The following CPLANE1 variants were observed in gnomAD, a reference collection of about 807,000 sequenced individuals.
CPLANE1 encodes ciliogenesis and planar polarity effector complex subunit 1.
Under a neutral mutation model 362.5 loss-of-function variants are expected in CPLANE1, and 263 were observed. That is an observed-to-expected ratio of 0.73 (90% CI 0.66 to 0.80). The LOEUF is 0.80. CPLANE1 is among the 30% of genes least tolerant of loss of function. CPLANE1 has a pLI of 0.00. For missense variants in CPLANE1, 3,461 were observed against 3,793.4 expected (o/e 0.91, Z 2.30); for synonymous variants, 1,212 against 1,302.6 (o/e 0.93, Z 1.50).
rs543654723 is a variant in CPLANE1, at chr5:37,163,756, T to C, written c.7588+517A>G. ...TGCAAGCCCTTAGATAGCTTCAGCATAGGCCCTAGTCACCAGAGGAACCAA... is the reference window on the plus strand; with the variant it reads ...TGCAAGCCCTTAGATAGCTTCAGCACAGGCCCTAGTCACCAGAGGAACCAA... On this transcript the variant is annotated intron_variant, in intron 37 of 52. Transcript: ENST00000651892. Among the ~76,000 whole-genome samples the C allele has an allele frequency of 6.6e-5, 10 of 152,270 alleles. No homozygotes were observed. In the South Asian group the frequency reaches 1.7e-3, roughly 25 times the overall value.
intron 48 of CPLANE1, among the ~76,000 whole-genome samples, chr5:37,122,091 T>G (rs1762824455): frequency 6.6e-6 from 1 of 152,172 alleles, no homozygotes; most frequent in Non-Finnish European, 1.5e-5. Flanking sequence ...AACATCCTTC[T>G]ATTCATCAGA....
rs1561458987 is a variant in CPLANE1, at chr5:37,164,272, C to T, written c.7588+1G>A. 1 of 1,609,638 alleles carries T rather than the reference C, an allele frequency of 6.2e-7. No homozygotes were observed. The highest frequency in any genetic ancestry group is 2.2e-5 in the East Asian group (1 of 44,828). On this transcript the variant is annotated splice_donor_variant, in intron 37 of 52. Coordinates refer to ENST00000651892, the MANE Select transcript of CPLANE1 (RefSeq NM_001384732.1). LOFTEE classifies it high-confidence loss of function. Reference sequence around the variant, plus strand: ...ATTACATTAATCATACACATACATACCAAAAGGAACGTCGAAGTCATCCAA... The same window carrying T: ...ATTACATTAATCATACACATACATATCAAAAGGAACGTCGAAGTCATCCAA...
chr5:37,226,840 T>C lies in CPLANE1; in HGVS notation c.1755A>G (p.Ser585=), dbSNP rs186970259. 1.2e-3 allele frequency: 1,812 copies of C among 1,550,844 alleles called. 1 individual carries two copies. Among genetic ancestry groups the C allele is most frequent in the Admixed American group, 2.1e-3 (108 of 50,868 alleles). Reference sequence around the variant, plus strand: ...TTAAATTTTTTTCTGTCACAGTTTTTGAAATTCCTATAGTCCACGCTGCAA... The same window carrying C: ...TTAAATTTTTTTCTGTCACAGTTTTCGAAATTCCTATAGTCCACGCTGCAA... ...SLLAAWTIGI[S]KTVTEKNLML... is the part of the protein sequence containing the mutation. Residue 585 remains serine (S), a synonymous_variant, in exon 12 of 53, where the codon TCA becomes TCG. Coordinates refer to ENST00000651892, the MANE Select transcript of CPLANE1 (RefSeq NM_001384732.1).
chr5:37,180,752 A>C (rs2151110015), intron 27 of CPLANE1, 105 bp downstream of exon 27: 1 of 1,064,622 alleles, frequency 9.4e-7, no homozygotes, highest in Non-Finnish European at 1.4e-6. Context: ...TACTTCAAAA[A>C]ATGCTCATTC....
chr5:37,164,385 G>GA (rs985112383), intron 36 of CPLANE1, 58 bp from the exon 37 acceptor site: 1,044 of 1,328,956 alleles, frequency 7.9e-4, no homozygotes, highest in Middle Eastern at 1.2e-3. Context: ...TATTATTTTT[G>GA]AAAAAAAAAT....
chr5:37,211,408 T>C (rs1241337280), intron 16 of CPLANE1: 2 of 1,516,164 alleles, frequency 1.3e-6, no homozygotes, highest in Non-Finnish European at 1.8e-6. Context: ...TTCAAAAACA[T>C]TACTTCCAGT....
At chr5:37,200,532 AC>A (rs1788846052) in intron 19 of CPLANE1, among the ~76,000 whole-genome samples, 1 of 152,348 alleles carries the variant, frequency 6.6e-6, no homozygotes, top group African/African-American at 2.4e-5. Context: ...ACCAAATAGG[AC>A]AAATGAGAAA....
At chr5:37,177,790 A>C in intron 29 of CPLANE1, 90 bp from the exon 30 acceptor site, 1 of 928,828 alleles carries the variant, frequency 1.1e-6, no homozygotes, top group Admixed American at 2.0e-5. Context: ...TTAGCCACTT[A>C]ACCAGAGTAA....
At chr5:37,130,974 C>T (rs1243394280) in intron 46 of CPLANE1, among the ~76,000 whole-genome samples, 1 of 152,188 alleles carries the variant, frequency 6.6e-6, no homozygotes, top group Non-Finnish European at 1.5e-5. Flanking sequence ...TCCTTGCTTG[C>T]ATCTTTCACG....
chr5:37,165,754 G>T, intron 35 of CPLANE1, 83 bp from the exon 36 acceptor site: 1 of 1,273,952 alleles, frequency 7.8e-7, no homozygotes, highest in Non-Finnish European at 1.1e-6. Context: ...TAGGGATACA[G>T]TTGACAAAAT....
At chr5:37,139,423 T>C (rs1768969166) in intron 44 of CPLANE1, 53 bp from the exon 45 acceptor site, 2 of 1,128,232 alleles carry the variant, frequency 1.8e-6, no homozygotes, top group Non-Finnish European at 2.4e-6. Context: ...TTGCTTTCAA[T>C]TGTTAATCTA....
At chr5:37,082,427 A>T in the CPLANE1 span, among the ~76,000 whole-genome samples, 1 of 152,196 alleles carries the variant, frequency 6.6e-6, no homozygotes, top group Non-Finnish European at 1.5e-5. Flanking sequence ...ACCCGATCCC[A>T]AGATCCATTA....
rs557782033 is a variant in CPLANE1 at position 37,206,162 on chromosome 5, C to A, written c.3149+35G>T. On this transcript the variant is annotated intron_variant, in intron 17 of 52. Coordinates refer to ENST00000651892, the MANE Select transcript of CPLANE1 (RefSeq NM_001384732.1). The stretch of plus-strand genomic sequence containing the variant: ...AGAAATATAAAATACATAGTTCAAT[C>A]ATACTATATCTTAAAATTGCCTAAA... 1.5e-5 allele frequency: 19 copies of A among 1,289,604 alleles called. No homozygotes were observed. In the South Asian group the frequency reaches 1.9e-4, roughly 13 times the overall value. The allele number at this position is 1,289,604 out of a possible 1,614,324, so 79.9% of individuals were successfully genotyped here. A position where few individuals can be genotyped will look rare whatever the true frequency, so the allele number is the denominator to read the frequency against.
chr5:37,190,101 TAC>T (rs903866318), intron 21 of CPLANE1, among the ~76,000 whole-genome samples: 2 of 152,176 alleles, frequency 1.3e-5, no homozygotes, highest in Non-Finnish European at 2.9e-5. Context: ...GTGCATGTAT[TAC>T]CTTGCTATAA....
At chr5:37,138,617 T>C in intron 46 of CPLANE1, 103 bp downstream of exon 46, 1 of 1,263,572 alleles carries the variant, frequency 7.9e-7, no homozygotes, top group Non-Finnish European at 1.1e-6. Context: ...ATTCTAAGCT[T>C]CAGATTTGTT....
In CPLANE1 at chr5:37,210,364, A is replaced by G. The variant is rs1236454132; in HGVS notation, c.2920+3195T>C. 3.6e-6 allele frequency: 4 copies of G among 1,120,014 alleles called. No individual in the cohort carries two copies. In the African/African-American group the frequency reaches 6.1e-5, roughly 17 times the overall value. 69.4% of individuals were successfully genotyped at this position (1,120,014 alleles called of 1,614,324 possible). A position where few individuals can be genotyped will look rare whatever the true frequency, so the allele number is the denominator to read the frequency against. ...GAGGCACTTAGGAGACGGGAGCAGA[A>G]TATAAAGAGTTTTGAGAAGACCTAT... On this transcript the variant is annotated intron_variant, in intron 16 of 52. Transcript: ENST00000651892.
rs1225604508 is a variant in CPLANE1 at position 37,179,372 on chromosome 5, G to A, written c.5809C>T (p.Gln1937Ter). The A allele has an allele frequency of 2.5e-6, 4 of 1,604,376 alleles. No homozygotes were observed. The highest frequency in any genetic ancestry group is 3.4e-6 in the Non-Finnish European group (4 of 1,172,680). ...ATTTATTGACTTACTTCTTCTAACT[G>A]CTGTGGTAAAGTCATCATGCAAATG... ...LAICMMTLPQ[Q>*]LEEEFTEEVQ... Residue 1937 changes from glutamine to a stop codon, truncating the protein, a stop_gained, in exon 29 of 53, where the codon CAG becomes TAG. Coordinates refer to ENST00000651892, the MANE Select transcript of CPLANE1 (RefSeq NM_001384732.1). LOFTEE classifies it high-confidence loss of function.
chr5:37,228,611 G>A (rs2150473623), intron 9 of CPLANE1, among the ~76,000 whole-genome samples: 1 of 152,076 alleles, frequency 6.6e-6, no homozygotes, highest in South Asian at 2.1e-4. Context: ...ACATTATCTA[G>A]TTTTTAAAAA....
At position 37,183,661 on chromosome 5, in the gene CPLANE1, T is replaced by G; in HGVS notation, c.4520A>C (p.Lys1507Thr). The G allele has an allele frequency of 6.2e-7, 1 of 1,606,236 alleles. No individual in the cohort carries two copies. The highest frequency in any genetic ancestry group is 8.5e-7 in the Non-Finnish European group (1 of 1,177,638). Reference sequence around the variant, plus strand: ...ACACATTTTCCTTTTATCAGTTGGCTTATGAATTGATGTTAATTCCATGTG... The same window carrying G: ...ACACATTTTCCTTTTATCAGTTGGCGTATGAATTGATGTTAATTCCATGTG... Reference protein sequence around the residue: ...PNHMELTSIHKPTDKRKMCNQ... With the variant: ...PNHMELTSIHTPTDKRKMCNQ... Residue 1507 changes from lysine (K) to threonine (T), a missense_variant, in exon 26 of 53, where the codon AAG (lysine) becomes ACG (threonine). Physicochemically the swap from Lys to Thr is moderately conservative, Grantham distance 78. Around this residue, in one of 2 missense-constraint regions of CPLANE1, gnomAD observed 3,380 missense variants for 3,666.1 expected, o/e 0.92. Transcript: ENST00000651892.
Sources: gnomAD v4.1 joint callset for allele counts (sites outside exome capture counted in the v4.1 genomes callset) on GRCh38, gnomAD v4.1.1 for gene constraint, gnomAD v4.1.1 regional missense constraint, MANE v1.5 for transcripts, NCBI Gene and HGNC (gene_info 2026-07-23, HGNC 2026-07-21) for gene names.